The following CBFA2T2 variants were observed in gnomAD, a reference collection of about 807,000 sequenced individuals.
CBFA2T2 encodes the protein CBFA2/RUNX1 partner transcriptional co-repressor 2.
In CBFA2T2, 11 loss-of-function variants were observed where a neutral mutation model predicts 62.2. The ratio of observed to expected loss-of-function variants is 0.18; its 90% confidence interval spans 0.11 to 0.29. The LOEUF (loss-of-function observed/expected upper bound fraction) is 0.29. CBFA2T2 is among the 10% of genes least tolerant of loss of function. CBFA2T2 has a pLI of 1.00. For missense variants in CBFA2T2, 592 were observed against 774.1 expected, an observed-to-expected ratio of 0.76 and a Z score of 2.79; for synonymous variants, 295 against 287.5, an observed-to-expected ratio of 1.03 and a Z score of -0.27.
intron 6 of CBFA2T2, among the ~76,000 whole-genome samples, chr20:33,627,864 A>C (rs1317274098): frequency 7.2e-5 from 11 of 152,194 alleles, no homozygotes; most frequent in Admixed American, 2.0e-4. Context: ...TAATTCACAC[A>C]GTTGTTCCAT....
chr20:33,512,278 G>C (rs1460826116), intron 1 of CBFA2T2, among the ~76,000 whole-genome samples: 2 of 151,982 alleles, frequency 1.3e-5, no homozygotes, highest in Non-Finnish European at 2.9e-5. Context: ...TTGAACCTGG[G>C]AGGCAAATGT....
At chr20:33,528,926 G>A (rs1380066336) in intron 1 of CBFA2T2, among the ~76,000 whole-genome samples, 8 of 152,192 alleles carry the variant, frequency 5.3e-5, no homozygotes, top group African/African-American at 1.9e-4. Flanking sequence ...CAAGTTTTGG[G>A]CTCGTGATGC....
At chr20:33,492,490 C>CT (rs2011155140) in intron 1 of CBFA2T2, among the ~76,000 whole-genome samples, 1 of 150,998 alleles carries the variant, frequency 6.6e-6, no homozygotes, top group East Asian at 2.0e-4. Flanking sequence ...ACAACTTTTG[C>CT]TTCTGTTACG....
chr20:33,640,619 C>T, intron 10 of CBFA2T2, 88 bp downstream of exon 10: 1 of 1,208,646 alleles, frequency 8.3e-7, no homozygotes, highest in Non-Finnish European at 1.2e-6. Context: ...CAGGAAGACA[C>T]AGGCAGTCCA....
intron 1 of CBFA2T2, among the ~76,000 whole-genome samples, chr20:33,584,048 A>G (rs2014249704): frequency 6.6e-6 from 1 of 151,102 alleles, no homozygotes; most frequent in Non-Finnish European, 1.5e-5. Flanking sequence ...CCCAGGTTCA[A>G]GTGATTCTCC....
chr20:33,502,964 A>G (rs1390003401), intron 1 of CBFA2T2, among the ~76,000 whole-genome samples: 1 of 149,688 alleles, frequency 6.7e-6, no homozygotes, highest in Non-Finnish European at 1.5e-5. Flanking sequence ...GGTGGCGGGC[A>G]TCTGTAGTCC....
At chr20:33,541,492 T>C (rs995315938) in intron 1 of CBFA2T2, among the ~76,000 whole-genome samples, 3 of 152,236 alleles carry the variant, frequency 2.0e-5, no homozygotes, top group Non-Finnish European at 4.4e-5. Flanking sequence ...TATTTTTCCA[T>C]TAGGTCTAGG....
rs760862287 is a variant in CBFA2T2, at chr20:33,636,677, A to G, written c.1266A>G (p.Gly422=). 5 of 1,613,680 alleles carry G rather than the reference A, an allele frequency of 3.1e-6. No homozygotes were observed. The highest frequency in any genetic ancestry group is 4.2e-6 in the Non-Finnish European group (5 of 1,179,632). ...QREFNSRPGT[G]YVPVEFWKKT... is the part of the protein sequence containing the mutation. ...AGTTCAACAGCAGGCCAGGTACAGG[A>G]TACGTACCTGTGGAGTTTTGGAAAA... Residue 422 remains glycine (G), a synonymous_variant, in exon 9 of 11, where the codon GGA becomes GGG. Coordinates refer to ENST00000342704, the MANE Select transcript of CBFA2T2 (RefSeq NM_001032999.3).
chr20:33,642,689 T>C (rs770419709), intron 10 of CBFA2T2, among the ~76,000 whole-genome samples: 5 of 152,130 alleles, frequency 3.3e-5, no homozygotes, highest in Admixed American at 1.3e-4. Flanking sequence ...GAGTGAGATA[T>C]CTGTTTCTCT....
chr20:33,607,136 G>A lies in CBFA2T2; in HGVS notation c.178+37G>A, dbSNP rs1300127504. On this transcript the variant is annotated intron_variant, in intron 2 of 10. Coordinates refer to ENST00000342704, the MANE Select transcript of CBFA2T2 (RefSeq NM_001032999.3). The stretch of plus-strand genomic sequence containing the variant: ...TAGTTACTTATGTTTGTAGTTCAGA[G>A]TGACATTTGGATCTAAGTGACTGAC... The A allele has an allele frequency of 9.4e-6, 15 of 1,597,134 alleles. No individual in the cohort carries two copies. In the Admixed American group the frequency reaches 2.5e-4, roughly 27 times the overall value.
chr20:33,521,820 C>CTGTG (rs1257354459), intron 1 of CBFA2T2, among the ~76,000 whole-genome samples: 1 of 147,468 alleles, frequency 6.8e-6, no homozygotes, highest in African/African-American at 2.5e-5. Flanking sequence ...TAAATTTGAG[C>CTGTG]TGCGTGTGTG....
At chr20:33,508,973 C>T (rs2011455125) in intron 1 of CBFA2T2, among the ~76,000 whole-genome samples, 1 of 152,156 alleles carries the variant, frequency 6.6e-6, no homozygotes, top group South Asian at 2.1e-4. Flanking sequence ...TTTCTTTGTA[C>T]ATTTATTCAT....
intron 7 of CBFA2T2, 74 bp from the exon 8 acceptor site, chr20:33,629,645 C>A (rs192129737): frequency 1.5e-6 from 2 of 1,323,440 alleles, no homozygotes; most frequent in Non-Finnish European, 1.0e-6. Context: ...CCTCATATTG[C>A]GTTGGCCTGA....
chr20:33,640,192 TG>T, intron 9 of CBFA2T2, 148 bp from the exon 10 acceptor site: 1 of 752,534 alleles, frequency 1.3e-6, no homozygotes, highest in Non-Finnish European at 2.1e-6. Flanking sequence ...CCTGCATGGA[TG>T]GACACATGAG....
chr20:33,630,037 A>G lies in CBFA2T2; in HGVS notation c.1228+123A>G, dbSNP rs199636670. 3.5e-4 allele frequency: 288 copies of G among 832,656 alleles called. 1 individual carries two copies. The East Asian group carries it at 7.8e-3, about 23-fold the overall frequency. 51.6% of individuals were successfully genotyped at this position (832,656 alleles called of 1,614,324 possible). On this transcript the variant is annotated intron_variant, in intron 8 of 10. Transcript: ENST00000342704. ...GTGGTACTCAATTGTGGATTTAGGGAAACTCAGGTGATTATGAAAAGTAAA... is the reference window on the plus strand; with the variant it reads ...GTGGTACTCAATTGTGGATTTAGGGGAACTCAGGTGATTATGAAAAGTAAA...
Position 33,545,005 on chromosome 20 carries a change from T to TAGAACAGAACAGAAC in CBFA2T2, c.34+54708_34+54709insCAGAACAGAACAGAA, listed in dbSNP as rs1321591872. Among the ~76,000 whole-genome samples, 105 of 128,978 alleles carry TAGAACAGAACAGAAC rather than the reference T, an allele frequency of 8.1e-4. 1 individual carries two copies. The highest frequency in any genetic ancestry group is 2.9e-3 in the African/African-American group (103 of 35,354). 84.6% of individuals were successfully genotyped at this position (128,978 alleles called of 152,430 possible). A position where few individuals can be genotyped will look rare whatever the true frequency, so the allele number is the denominator to read the frequency against. On this transcript the variant is annotated intron_variant, in intron 1 of 10. Transcript: ENST00000342704. ...TAGAATAGAATAGAATAGAATAGAA[T>TAGAACAGAACAGAAC]AGAATAGAACAGAACAGAATGCAAG...
At chr20:33,591,036 G>A (rs2014593788) in intron 1 of CBFA2T2, among the ~76,000 whole-genome samples, 2 of 150,632 alleles carry the variant, frequency 1.3e-5, no homozygotes. Flanking sequence ...AAATTTGCCG[G>A]GTGTGGTGGC....
intron 8 of CBFA2T2, 47 bp downstream of exon 8, chr20:33,629,961 G>C: frequency 1.3e-6 from 2 of 1,507,998 alleles, no homozygotes; most frequent in South Asian, 2.6e-5. Flanking sequence ...TCAGCCTTTA[G>C]AGCCCACCAA....
chr20:33,503,124 T>G (rs1358574559), intron 1 of CBFA2T2, among the ~76,000 whole-genome samples: 3 of 148,698 alleles, frequency 2.0e-5, no homozygotes, highest in African/African-American at 7.4e-5. Flanking sequence ...AAGATTTGGA[T>G]GCTGTGTGTG....
Sources: gnomAD v4.1 joint callset for allele counts (sites outside exome capture counted in the v4.1 genomes callset) on GRCh38, gnomAD v4.1.1 for gene constraint, MANE v1.5 for transcripts, NCBI Gene and HGNC (gene_info 2026-07-23, HGNC 2026-07-21) for gene names.